Variants in MEGF8 observed in about 807,000 individuals in gnomAD.
MEGF8 encodes the protein multiple EGF like domains 8, also known as multiple epidermal growth factor-like domains protein 8.
Under a neutral mutation model 302.9 loss-of-function variants are expected in MEGF8, and 156 were observed. The ratio of observed to expected loss-of-function variants is 0.52; its 90% CI spans 0.45 to 0.59. MEGF8 has a LOEUF of 0.59. Ranked by LOEUF, MEGF8 falls within the 20% of genes least tolerant of loss-of-function variation. The pLI is 0.00. For synonymous variants in MEGF8, 1,621 were observed against 1,660.5 expected, an observed-to-expected ratio of 0.98 and a Z score of 0.58; for missense variants, 3,345 against 3,964.5, an observed-to-expected ratio of 0.84 and a Z score of 4.20.
chr19:42,352,546 C>A lies in MEGF8; in HGVS notation c.3350+90C>A. On this transcript the variant is annotated intron_variant, in intron 19 of 41. Coordinates refer to ENST00000251268, the MANE Select transcript of MEGF8 (RefSeq NM_001271938.2). This position sits in a 1 kb window ranked among gnomAD's most constrained non-coding sequence, Gnocchi z 4.4. ...GGAAGCCATCATGGCGCTGGGTCCC[C>A]TCCTGTGGAACCAGCATCCCCAGTT... 2 of 1,454,534 alleles carry A rather than the reference C, an allele frequency of 1.4e-6. No individual in the cohort carries two copies. The highest frequency in any genetic ancestry group is 1.8e-6 in the Non-Finnish European group (2 of 1,089,780). 90.1% of individuals were successfully genotyped at this position (1,454,534 alleles called of 1,614,324 possible).
chr19:42,359,251 C>G lies in MEGF8; in HGVS notation c.5488+9C>G. 1.3e-6 allele frequency: 2 copies of G among 1,543,360 alleles called. No homozygotes were observed. Among genetic ancestry groups the G allele is most frequent in the South Asian group, 2.5e-5 (2 of 81,314 alleles). On this transcript the variant is annotated intron_variant, in intron 31 of 41. Transcript: ENST00000251268. ...TCTGCCCGACCTCACCCGTAAGTCC[C>G]CATTGTGGCTCCCAGGAGGCTGAGG...
rs1016272539 is a variant in MEGF8, at chr19:42,355,707, A to C, written c.4145-51A>C. The C allele has an allele frequency of 4.1e-5, 61 of 1,500,624 alleles. 1 individual carries two copies. In the Admixed American group the frequency reaches 1.3e-3, roughly 32 times the overall value. The allele number at this position is 1,500,624 out of a possible 1,614,324, so 93.0% of individuals were successfully genotyped here. On this transcript the variant is annotated intron_variant, in intron 23 of 41. Coordinates refer to ENST00000251268, the MANE Select transcript of MEGF8 (RefSeq NM_001271938.2). ...GGTTTTCTTAGCATCTGGGGGTGGA[A>C]GGGGCCAGGAACGTGACTTTGCTAC...
Position 42,344,399 on chromosome 19 carries a change from G to A in MEGF8, c.1789-42G>A, listed in dbSNP as rs1313252571. ...AGCCCTTCCTTCCCAGATCTCTTGA[G>A]CTCCAGTTGACAGTGAGCCCTTTCC... On this transcript the variant is annotated intron_variant, in intron 10 of 41. Coordinates refer to ENST00000251268, the MANE Select transcript of MEGF8 (RefSeq NM_001271938.2). The surrounding 1 kb of genome is among the most constrained non-coding windows in gnomAD (Gnocchi z 4.5). The A allele has an allele frequency of 6.5e-7, 1 of 1,536,604 alleles. No homozygotes were observed. The highest frequency in any genetic ancestry group is 8.7e-7 in the Non-Finnish European group (1 of 1,147,392).
chr19:42,333,078 T>C (rs1407776979), intron 1 of MEGF8, among the ~76,000 whole-genome samples: 1 of 152,218 alleles, frequency 6.6e-6, no homozygotes, highest in Non-Finnish European at 1.5e-5. Flanking sequence ...AGAGGGGAAC[T>C]ATGCCGCTCC....
Position 42,350,366 on chromosome 19 carries a change from C to T in MEGF8, c.2718C>T (p.Asp906=). ...TLCPLCEEHR[D]CHACTQDPFC... ...GCCCACTCTGCGAGGAGCATCGGGA[C>T]TGCCACGCCTGCACCCAGGTGCCTG... Residue 906 remains aspartate (D), a synonymous_variant, in exon 15 of 42, where the codon GAC becomes GAT. Coordinates refer to ENST00000251268, the MANE Select transcript of MEGF8 (RefSeq NM_001271938.2). The T allele has an allele frequency of 6.4e-7, 1 of 1,563,122 alleles. No homozygotes were observed. The highest frequency in any genetic ancestry group is 8.7e-7 in the Non-Finnish European group (1 of 1,155,622).
rs2039417593 is a variant in MEGF8 at position 42,354,107 on chromosome 19, CT to C, written c.4011+84del. On this transcript the variant is annotated intron_variant, in intron 22 of 41. Coordinates refer to ENST00000251268, the MANE Select transcript of MEGF8 (RefSeq NM_001271938.2). This position sits in a 1 kb window ranked among gnomAD's most constrained non-coding sequence, Gnocchi z 4.3. ...CAGCCTGCATCCTCAGACCCTGACC[CT>C]AGTATTGCTGTTTTTTTTTTTTTGT... 1 of 1,419,488 alleles carries C rather than the reference CT, an allele frequency of 7.0e-7. No homozygotes were observed. The highest frequency in any genetic ancestry group is 9.3e-7 in the Non-Finnish European group (1 of 1,074,400). The allele number at this position is 1,419,488 out of a possible 1,614,324, so 87.9% of individuals were successfully genotyped here.
At position 42,344,596 on chromosome 19, in the gene MEGF8, G is replaced by A. The variant is rs767258320; in HGVS notation, c.1933+11G>A. The stretch of plus-strand genomic sequence containing the variant: ...GCCTCCCTAGGCCTGGTGAGTGTCC[G>A]CAGCAGTGGGCCGGCAGGAGGGGGC... On this transcript the variant is annotated intron_variant, in intron 11 of 41. Transcript: ENST00000251268. This position sits in a 1 kb window ranked among gnomAD's most constrained non-coding sequence, Gnocchi z 4.5. The A allele has an allele frequency of 2.1e-5, 34 of 1,583,950 alleles. No individual in the cohort carries two copies. Among genetic ancestry groups the A allele is most frequent in the Non-Finnish European group, 2.7e-5 (31 of 1,164,628 alleles).
At position 42,356,655 on chromosome 19, in the gene MEGF8, C is replaced by A; in HGVS notation, c.4623-119C>A. On this transcript the variant is annotated intron_variant, in intron 26 of 41. Coordinates refer to ENST00000251268, the MANE Select transcript of MEGF8 (RefSeq NM_001271938.2). This position sits in a 1 kb window ranked among gnomAD's most constrained non-coding sequence, Gnocchi z 5.2. ...TGGGTGGTGCTACTCCAGGGAATGG[C>A]AAGAGGACTGTCATAGGAAGGTCAC... 8.9e-7 allele frequency: 1 copy of A among 1,120,210 alleles called. No homozygotes were observed. Among genetic ancestry groups the A allele is most frequent in the Non-Finnish European group, 1.2e-6 (1 of 800,006 alleles). The allele number at this position is 1,120,210 out of a possible 1,614,324, so 69.4% of individuals were successfully genotyped here. A position where few individuals can be genotyped will look rare whatever the true frequency, so the allele number is the denominator to read the frequency against.
In MEGF8 at chr19:42,375,896, G is replaced by A. The variant is rs1226893765; in HGVS notation, c.7659G>A (p.Gly2553=). 6.2e-7 allele frequency: 1 copy of A among 1,602,208 alleles called. No homozygotes were observed. Among genetic ancestry groups the A allele is most frequent in the Admixed American group, 1.7e-5 (1 of 58,960 alleles). The change falls in exon 42 of 42, where the codon GGG becomes GGA. Residue 2553 remains glycine (G), a synonymous_variant. Coordinates refer to ENST00000251268, the MANE Select transcript of MEGF8 (RefSeq NM_001271938.2). This position sits in a 1 kb window ranked among gnomAD's most constrained non-coding sequence, Gnocchi z 7.1. ...GGGCTGGGGATCCAGGAGGAGCAGGGGCCAGCAGTGGGCCGGGCGCCCCAG... is the reference window on the plus strand; with the variant it reads ...GGGCTGGGGATCCAGGAGGAGCAGGAGCCAGCAGTGGGCCGGGCGCCCCAG... ...PRGAGDPGGA[G]ASSGPGAPAE... is the part of the protein sequence containing the mutation.
intron 1 of MEGF8, among the ~76,000 whole-genome samples, chr19:42,331,558 C>T (rs973877853): frequency 6.6e-6 from 1 of 151,998 alleles, no homozygotes; most frequent in African/African-American, 2.4e-5. Context: ...ATGTGGGCCC[C>T]ATTGTCAACA....
At chr19:42,372,183 C>G (rs1182732672) in intron 41 of MEGF8, among the ~76,000 whole-genome samples, 1 of 152,202 alleles carries the variant, frequency 6.6e-6, no homozygotes, top group Non-Finnish European at 1.5e-5. Flanking sequence ...GGTGCTCACA[C>G]AATGCCATCA....
At chr19:42,335,792 C>T (rs1262571203) in intron 5 of MEGF8, 139 bp from the exon 6 acceptor site, 2 of 764,752 alleles carry the variant, frequency 2.6e-6, no homozygotes, top group Non-Finnish European at 4.0e-6. Flanking sequence ...TCTCTCTCTG[C>T]CGGTCTCTGC....
intron 5 of MEGF8, 114 bp downstream of exon 5, chr19:42,335,499 T>A: frequency 1.1e-6 from 1 of 908,838 alleles, no homozygotes; most frequent in Non-Finnish European, 1.7e-6. Context: ...CAGCTTGATA[T>A]AGGAACCTAC....
rs750879642 is a variant in MEGF8, at chr19:42,351,640, T to A, written c.2988-8T>A. On this transcript the variant is annotated splice_region_variant and splice_polypyrimidine_tract_variant and intron_variant, in intron 17 of 41. Transcript: ENST00000251268. This position sits in a 1 kb window ranked among gnomAD's most constrained non-coding sequence, Gnocchi z 5.6. ...GGGGCTCTGACCCCCACCCCTGCCA[T>A]CCTGCAGTGTACACTCGGAGCCACG... 1 of 1,590,750 alleles carries A rather than the reference T, an allele frequency of 6.3e-7. No individual in the cohort carries two copies. Among genetic ancestry groups the A allele is most frequent in the South Asian group, 1.1e-5 (1 of 87,566 alleles).
Position 42,348,328 on chromosome 19 carries a change from G to C in MEGF8, c.2154G>C (p.Val718=). ...ITLTPSAETD[V]SLVYRGFIYP... The stretch of plus-strand genomic sequence containing the variant: ...TAACACCCAGCGCAGAGACAGATGT[G>C]TCCCTGGTCTACCGTGGCTTCATCT... The change falls in exon 13 of 42, where the codon GTG becomes GTC. Residue 718 remains valine, a synonymous_variant. Transcript: ENST00000251268. 1 of 1,537,466 alleles carries C rather than the reference G, an allele frequency of 6.5e-7. No individual in the cohort carries two copies. The highest frequency in any genetic ancestry group is 1.2e-5 in the South Asian group (1 of 84,058).
Position 42,337,210 on chromosome 19 carries a change from A to C in MEGF8, c.1513+4A>C. Reference sequence around the variant, plus strand: ...GCCCCGCCAGGAACCCCTGAGGGTGAGTGGTCCCTGTTCTTCCCTAGGGGC... The same window carrying C: ...GCCCCGCCAGGAACCCCTGAGGGTGCGTGGTCCCTGTTCTTCCCTAGGGGC... On this transcript the variant is annotated splice_donor_region_variant and intron_variant, in intron 8 of 41. Transcript: ENST00000251268. The C allele has an allele frequency of 1.2e-6, 2 of 1,613,472 alleles. No homozygotes were observed. Among genetic ancestry groups the C allele is most frequent in the Non-Finnish European group, 1.7e-6 (2 of 1,179,862 alleles).
intron 32 of MEGF8, among the ~76,000 whole-genome samples, chr19:42,361,489 C>T (rs894275769): frequency 2.5e-4 from 38 of 152,298 alleles, no homozygotes; most frequent in South Asian, 1.5e-3. Flanking sequence ...CTTATTTGCC[C>T]GAAGGGTGTG....
intron 23 of MEGF8, among the ~76,000 whole-genome samples, chr19:42,355,255 C>CAT (rs66495349): frequency 3.0e-4 from 45 of 151,004 alleles, no homozygotes; most frequent in South Asian, 6.3e-4. Context: ...CTGCGCCCGG[C>CAT]ATATATATAT....
intron 1 of MEGF8, among the ~76,000 whole-genome samples, chr19:42,332,905 T>A (rs2039073697): frequency 6.6e-6 from 1 of 152,172 alleles, no homozygotes; most frequent in Non-Finnish European, 1.5e-5. Flanking sequence ...TATCCCACTT[T>A]AGAGATGAGG....
Sources: gnomAD v4.1 joint callset for allele counts (sites outside exome capture counted in the v4.1 genomes callset) on GRCh38, gnomAD v4.1.1 for gene constraint, Gnocchi (gnomAD v3.1) non-coding constraint, MANE v1.5 for transcripts, NCBI Gene and HGNC (gene_info 2026-07-23, HGNC 2026-07-21) for gene names.